CCDC148: variants seen among roughly 807,000 people sequenced by gnomAD.
CCDC148 encodes coiled-coil domain containing 148, also known as coiled-coil domain-containing protein 148.
A neutral mutation model predicts 85.7 loss-of-function variants in CCDC148; 89 were observed. That is an observed-to-expected ratio of 1.04 (90% CI 0.87 to 1.24). The LOEUF is 1.24. CCDC148 is among the 50% of genes most tolerant of loss of function. The pLI, the probability that CCDC148 is intolerant of heterozygous loss-of-function variation, is 0.00. For synonymous variants in CCDC148, 230 were observed against 213.9 expected (o/e 1.08, Z -0.66); for missense variants, 692 against 671.7 (o/e 1.03, Z -0.33).
intron 10 of CCDC148, among the ~76,000 whole-genome samples, chr2:158,231,915 T>C (rs1162362313): frequency 2.0e-5 from 3 of 152,204 alleles, no homozygotes; most frequent in Non-Finnish European, 4.4e-5. Context: ...AATTTATGTA[T>C]CAAGAATTAT....
intron 9 of CCDC148, among the ~76,000 whole-genome samples, chr2:158,279,684 C>T (rs970661313): frequency 1.3e-5 from 2 of 152,108 alleles, no homozygotes; most frequent in African/African-American, 4.8e-5. Context: ...GGAATGGAAC[C>T]AAGTTGAAAA....
intron 9 of CCDC148, among the ~76,000 whole-genome samples, chr2:158,270,741 T>G (rs572100145): frequency 2.6e-5 from 4 of 152,310 alleles, no homozygotes; most frequent in Admixed American, 2.6e-4. Context: ...TGGCACAGCT[T>G]TCTGGCACAT....
intron 11 of CCDC148, among the ~76,000 whole-genome samples, chr2:158,219,811 T>C (rs1687077170): frequency 6.6e-6 from 1 of 152,182 alleles, no homozygotes; most frequent in Non-Finnish European, 1.5e-5. Context: ...CACAGTAAGG[T>C]GTGAATCCCA....
intron 1 of CCDC148, among the ~76,000 whole-genome samples, chr2:158,431,379 A>G (rs931617611): frequency 6.6e-6 from 1 of 152,004 alleles, no homozygotes; most frequent in Non-Finnish European, 1.5e-5. Flanking sequence ...AGAAAAACAC[A>G]GAGAAGAATG....
At chr2:158,308,916 C>T (rs1021372691) in intron 9 of CCDC148, among the ~76,000 whole-genome samples, 3 of 152,190 alleles carry the variant, frequency 2.0e-5, no homozygotes, top group Non-Finnish European at 1.5e-5. Flanking sequence ...AATCCAGCCC[C>T]GCTAGATATT....
rs79180104 is a variant in CCDC148 at position 158,258,064 on chromosome 2, T to C, written c.1111-7152A>G. On this transcript the variant is annotated intron_variant, in intron 9 of 13. Coordinates refer to ENST00000283233, the MANE Select transcript of CCDC148 (RefSeq NM_138803.4). Reference sequence around the variant, plus strand: ...AAAAATTAAGAGGACTAGATCAGTATTGTCTAAACAATTCATTAACTGGAT... The same window carrying C: ...AAAAATTAAGAGGACTAGATCAGTACTGTCTAAACAATTCATTAACTGGAT... Among the ~76,000 whole-genome samples the C allele has an allele frequency of 2.6e-3, 400 of 152,000 alleles. 1 individual carries two copies. The highest frequency in any genetic ancestry group is 9.0e-3 in the African/African-American group (375 of 41,536).
chr2:158,389,094 G>A (rs1685201874), intron 1 of CCDC148, among the ~76,000 whole-genome samples: 1 of 152,080 alleles, frequency 6.6e-6, no homozygotes, highest in Non-Finnish European at 1.5e-5. Flanking sequence ...ATATTGTATG[G>A]ATGGATTTAA....
intron 1 of CCDC148, among the ~76,000 whole-genome samples, chr2:158,397,638 A>G (rs113892620): frequency 0.027 from 4,141 of 152,306 alleles, 75 homozygotes; most frequent in Middle Eastern, 0.092. Flanking sequence ...AGCCATAAAC[A>G]TGGAAAGGAA....
At chr2:158,353,809 T>C (rs1192058701) in intron 2 of CCDC148, among the ~76,000 whole-genome samples, 6 of 152,020 alleles carry the variant, frequency 3.9e-5, no homozygotes, top group African/African-American at 1.2e-4. Context: ...TATTCCAAAA[T>C]TGACCATATA....
chr2:158,416,414 A>G (rs1686502412), intron 1 of CCDC148, among the ~76,000 whole-genome samples: 1 of 152,226 alleles, frequency 6.6e-6, no homozygotes, highest in African/African-American at 2.4e-5. Flanking sequence ...ACATATGAGC[A>G]TATCCTGTTA....
chr2:158,192,112 A>G (rs1432702768), intron 11 of CCDC148, among the ~76,000 whole-genome samples: 1 of 152,092 alleles, frequency 6.6e-6, no homozygotes, highest in Non-Finnish European at 1.5e-5. Flanking sequence ...AGATGAACTT[A>G]CAAATAATAT....
intron 7 of CCDC148, among the ~76,000 whole-genome samples, chr2:158,329,123 T>A (rs981272213): frequency 2.0e-5 from 3 of 152,252 alleles, no homozygotes; most frequent in Admixed American, 1.3e-4. Flanking sequence ...GCCTAGGTTT[T>A]CTTCTAGGGT....
intron 9 of CCDC148, among the ~76,000 whole-genome samples, chr2:158,283,159 C>G (rs1306886358): frequency 6.6e-6 from 1 of 152,158 alleles, no homozygotes; most frequent in East Asian, 1.9e-4. Context: ...AACGTTAGAC[C>G]TAAAACCATA....
chr2:158,378,643 T>C (rs1472594426), intron 1 of CCDC148, among the ~76,000 whole-genome samples: 1 of 152,172 alleles, frequency 6.6e-6, no homozygotes, highest in Non-Finnish European at 1.5e-5. Context: ...TGTTAGGGTC[T>C]AATGCAGCTG....
At chr2:158,366,979 G>C (rs1684233731) in intron 1 of CCDC148, among the ~76,000 whole-genome samples, 1 of 152,096 alleles carries the variant, frequency 6.6e-6, no homozygotes, top group Admixed American at 6.6e-5. Context: ...TGGAAACTCT[G>C]CCAAGTTACC....
intron 9 of CCDC148, among the ~76,000 whole-genome samples, chr2:158,299,980 A>C (rs1305011472): frequency 6.6e-6 from 1 of 152,218 alleles, no homozygotes. Context: ...GACAACGAGG[A>C]GCACAAAAAC....
At chr2:158,292,298 C>T (rs995667526) in intron 9 of CCDC148, among the ~76,000 whole-genome samples, 1 of 152,160 alleles carries the variant, frequency 6.6e-6, no homozygotes, top group African/African-American at 2.4e-5. Flanking sequence ...TGGTTATAAT[C>T]AGCTTGGCAA....
At chr2:158,174,391 C>T (rs1684469499) in intron 13 of CCDC148, among the ~76,000 whole-genome samples, 1 of 151,902 alleles carries the variant, frequency 6.6e-6, no homozygotes, top group African/African-American at 2.4e-5. Context: ...CATTCATGAC[C>T]CCACCACCAC....
chr2:158,417,169 G>T (rs1478934959), intron 1 of CCDC148, among the ~76,000 whole-genome samples: 1 of 152,238 alleles, frequency 6.6e-6, no homozygotes, highest in Non-Finnish European at 1.5e-5. Flanking sequence ...TTCAACATGA[G>T]ATTTGGGCAG....
Sources: gnomAD v4.1 joint callset for allele counts (sites outside exome capture counted in the v4.1 genomes callset) on GRCh38, gnomAD v4.1.1 for gene constraint, MANE v1.5 for transcripts, NCBI Gene and HGNC (gene_info 2026-07-23, HGNC 2026-07-21) for gene names.